Variants in FAT2 observed in about 807,000 individuals in gnomAD.
FAT2 encodes the protein FAT atypical cadherin 2.
FAT2 carries 150 observed loss-of-function variants against 295.3 expected under a neutral mutation model. That is an observed-to-expected ratio of 0.51 (90% CI 0.44 to 0.58). The LOEUF is 0.58. Ranked by LOEUF, FAT2 falls within the 20% of genes least tolerant of loss-of-function variation. FAT2 has a pLI of 0.00. For missense variants in FAT2, 4,868 were observed against 5,442.7 expected (o/e 0.89, Z 3.32); for synonymous variants, 2,026 against 2,150.3 (o/e 0.94, Z 1.60).
At chr5:151,589,891 T>G (rs575343032) in intron 1 of FAT2, among the ~76,000 whole-genome samples, 1 of 152,166 alleles carries the variant, frequency 6.6e-6, no homozygotes, top group South Asian at 2.1e-4. Flanking sequence ...AGACCCTGTC[T>G]CAAAATAAAT....
In FAT2 at chr5:151,543,323, A is replaced by G. The variant is rs1350775814; in HGVS notation, c.7804T>C (p.Ser2602Pro). 6.2e-7 allele frequency: 1 copy of G among 1,614,198 alleles called. No homozygotes were observed. Among genetic ancestry groups the G allele is most frequent in the Admixed American group, 1.7e-5 (1 of 60,032 alleles). Residue 2602 changes from serine (S) to proline (P), a missense_variant, in exon 10 of 24, where the codon TCT becomes CCT. Ser to Pro is a moderately conservative substitution (Grantham distance 74). Around this residue, in one of 5 missense-constraint regions of FAT2, gnomAD observed 3,297 missense variants for 3,669.4 expected, o/e 0.90. Transcript: ENST00000261800. ...TAGGCCAACACCTGGATAACCGGAG[A>G]GTCTTTACTGACATTGGATTGAATG... The part of the protein sequence containing the change: ...VSIQSNVSKD[S>P]PVIQVLAYDA...
chr5:151,561,576 G>T (rs745794529), intron 3 of FAT2, among the ~76,000 whole-genome samples: 1 of 152,090 alleles, frequency 6.6e-6, no homozygotes, highest in Non-Finnish European at 1.5e-5. Flanking sequence ...TGTTTTGTAC[G>T]GATGGGATTT....
At chr5:151,554,012 C>T (rs1286659489) in intron 5 of FAT2, among the ~76,000 whole-genome samples, 1 of 152,212 alleles carries the variant, frequency 6.6e-6, no homozygotes, top group Non-Finnish European at 1.5e-5. Flanking sequence ...CTCCATTTTA[C>T]AAATGATAAA....
Position 151,531,940 on chromosome 5 carries a change from G to T in FAT2, c.9458C>A (p.Pro3153Gln), listed in dbSNP as rs1009301106. The T allele has an allele frequency of 3.7e-6, 6 of 1,614,184 alleles. No individual in the cohort carries two copies. Among genetic ancestry groups the T allele is most frequent in the Non-Finnish European group, 5.1e-6 (6 of 1,180,024 alleles). Residue 3153 changes from proline to glutamine, a missense_variant, in exon 14 of 24, where the codon CCG becomes CAG. Physicochemically the swap from Pro to Gln is moderately conservative, Grantham distance 76 (BLOSUM62 -1). Coordinates refer to ENST00000261800, the MANE Select transcript of FAT2 (RefSeq NM_001447.3). This position sits in a 1 kb window ranked among gnomAD's most constrained non-coding sequence, Gnocchi z 5.7. Reference sequence around the variant, plus strand: ...GGAAAAGTGGCCTTCGGCTGAATCCGGCAGAGAGTAAACCACCTGGGCATT... The same window carrying T: ...GGAAAAGTGGCCTTCGGCTGAATCCTGCAGAGAGTAAACCACCTGGGCATT... The part of the protein sequence containing the change: ...GANAQVVYSL[P>Q]DSAEGHFSID...
rs1756383136 is a variant in FAT2, at chr5:151,543,814, A to G, written c.7313T>C (p.Met2438Thr). 2 of 1,614,138 alleles carry G rather than the reference A, an allele frequency of 1.2e-6. No homozygotes were observed. Among genetic ancestry groups the G allele is most frequent in the African/African-American group, 2.7e-5 (2 of 75,048 alleles). Residue 2438 changes from methionine to threonine, a missense_variant, in exon 10 of 24, where the codon ATG (methionine) becomes ACG (threonine). Around this residue, in one of 5 missense-constraint regions of FAT2, gnomAD observed 3,297 missense variants for 3,669.4 expected, o/e 0.90. Transcript: ENST00000261800. ...FINSSSGIIS[M>T]FNLCKKHLDS... ...CAGGTGCTTTTTGCAAAGGTTGAAC[A>G]TAGAAATTATTCCCGATGAGCTGTT...
chr5:151,548,100 C>T (rs1475323300), intron 9 of FAT2, among the ~76,000 whole-genome samples: 1 of 152,024 alleles, frequency 6.6e-6, no homozygotes, highest in African/African-American at 2.4e-5. Flanking sequence ...TCTTCTTCAG[C>T]GGTGAATAGA....
chr5:151,577,184 G>A (rs1758780079), intron 1 of FAT2, among the ~76,000 whole-genome samples: 2 of 152,122 alleles, frequency 1.3e-5, no homozygotes, highest in Non-Finnish European at 1.5e-5. Flanking sequence ...ATGGAAGAAG[G>A]GGCCCACAAA....
chr5:151,588,281 T>C (rs1427943451), intron 1 of FAT2, among the ~76,000 whole-genome samples: 2 of 152,202 alleles, frequency 1.3e-5, no homozygotes, highest in Non-Finnish European at 2.9e-5. Context: ...CCAACTGGCC[T>C]TCAAGACTGA....
intron 17 of FAT2, among the ~76,000 whole-genome samples, 191 bp downstream of exon 17, chr5:151,527,043 A>G (rs991010094): frequency 5.9e-5 from 9 of 152,356 alleles, no homozygotes; most frequent in South Asian, 2.1e-4. Flanking sequence ...AATGGATATG[A>G]AAGTGCCTAA....
At chr5:151,572,622 A>T (rs995486451) in intron 1 of FAT2, among the ~76,000 whole-genome samples, 1 of 152,188 alleles carries the variant, frequency 6.6e-6, no homozygotes, top group Non-Finnish European at 1.5e-5. Flanking sequence ...ATTCATATTC[A>T]TAGGGTTTTA....
At chr5:151,540,888 A>G (rs528659885) in intron 10 of FAT2, 125 bp from the exon 11 acceptor site, 3 of 793,832 alleles carry the variant, frequency 3.8e-6, no homozygotes, top group Admixed American at 6.2e-5. Context: ...TTCCTTCCTT[A>G]ACTAGGAACC....
intron 19 of FAT2, among the ~76,000 whole-genome samples, chr5:151,519,698 G>C (rs979076256): frequency 5.9e-5 from 9 of 151,966 alleles, no homozygotes; most frequent in Non-Finnish European, 1.0e-4. Flanking sequence ...AATTATTTGA[G>C]GTGTGTACTT....
upstream of FAT2, among the ~76,000 whole-genome samples, chr5:151,594,616 T>C (rs1173224533): frequency 6.6e-6 from 1 of 152,186 alleles, no homozygotes; most frequent in Non-Finnish European, 1.5e-5. Flanking sequence ...AAGAAAGAAC[T>C]AGAAGAGTCA....
chr5:151,505,914 T>C lies in FAT2; in HGVS notation c.12701A>G (p.Asn4234Ser). 6.3e-7 allele frequency: 1 copy of C among 1,589,496 alleles called. No individual in the cohort carries two copies. The highest frequency in any genetic ancestry group is 8.5e-7 in the Non-Finnish European group (1 of 1,169,804). Residue 4234 changes from asparagine (N) to serine (S), a missense_variant, in exon 24 of 24, where the codon AAC becomes AGC. Physicochemically the swap from Asn to Ser is conservative, Grantham distance 46. Around this residue, in one of 5 missense-constraint regions of FAT2, gnomAD observed 492 missense variants for 482.6 expected, o/e 1.02. Coordinates refer to ENST00000261800, the MANE Select transcript of FAT2 (RefSeq NM_001447.3). Reference sequence around the variant, plus strand: ...ACGGGGTGGGAGAGGTGCCCGCTTGTTTTCCATCTCCAGGGGGAAGGGGAA... The same window carrying C: ...ACGGGGTGGGAGAGGTGCCCGCTTGCTTTCCATCTCCAGGGGGAAGGGGAA... The part of the protein sequence containing the change: ...GGFPFPLEME[N>S]KRAPLPPRYS...
In FAT2 at chr5:151,542,414, G is replaced by A. The variant is rs1159174210; in HGVS notation, c.8713C>T (p.Arg2905Ter). Residue 2905 changes from arginine (R) to a stop codon, truncating the protein, a stop_gained, in exon 10 of 24, where the codon CGA (arginine) becomes TGA (stop). Coordinates refer to ENST00000261800, the MANE Select transcript of FAT2 (RefSeq NM_001447.3). LOFTEE classifies it high-confidence loss of function. ...CCTCTGTACTCTTCAGAAGCAAATC[G>A]GGGAGCATTGTCATTCTCATCTGTA... Reference protein sequence around the residue: ...SITDENDNAPRFASEEYRGSV... With the variant: ...SITDENDNAP 12 of 1,614,024 alleles carry A rather than the reference G, an allele frequency of 7.4e-6. No homozygotes were observed. Among genetic ancestry groups the A allele is most frequent in the African/African-American group, 1.3e-5 (1 of 74,896 alleles).
In FAT2 at chr5:151,507,207, G is replaced by C. The variant is rs145466001; in HGVS notation, c.12464C>G (p.Ser4155Cys). 744 of 1,611,424 alleles carry C rather than the reference G, an allele frequency of 4.6e-4. 3 individuals are homozygous for C. The highest frequency in any genetic ancestry group is 3.8e-3 in the Middle Eastern group (23 of 6,052). Residue 4155 changes from serine (S) to cysteine (C), a missense_variant, in exon 23 of 24, where the codon TCC becomes TGC. Physicochemically the swap from Ser to Cys is moderately radical, Grantham distance 112 (BLOSUM62 -1). Around this residue, in one of 5 missense-constraint regions of FAT2, gnomAD observed 492 missense variants for 482.6 expected, o/e 1.02. Coordinates refer to ENST00000261800, the MANE Select transcript of FAT2 (RefSeq NM_001447.3). ...PPRLPPAAVPSHSDNEPVIKR... is the reference protein window; with the variant it reads ...PPRLPPAAVPCHSDNEPVIKR... Reference sequence around the variant, plus strand: ...AATGACAGGCTCATTGTCAGAGTGGGAAGGGACCGCAGCTGGCGGGAGTCT... The same window carrying C: ...AATGACAGGCTCATTGTCAGAGTGGCAAGGGACCGCAGCTGGCGGGAGTCT...
Position 151,550,822 on chromosome 5 carries a change from A to G in FAT2, c.4346T>C (p.Leu1449Pro), listed in dbSNP as rs1264308232. ...AACTCTGACTTCATAACGAGTTTCC[A>G]GAAACTGGGGCCGATGGTGGTTAAT... ...ANINHHRPQF[L>P]ETRYEVRVPQ... is the part of the protein sequence containing the mutation. Residue 1449 changes from leucine (L) to proline (P), a missense_variant, in exon 8 of 24, where the codon CTG becomes CCG. Physicochemically the swap from Leu to Pro is moderately conservative, Grantham distance 98. Coordinates refer to ENST00000261800, the MANE Select transcript of FAT2 (RefSeq NM_001447.3). The G allele has an allele frequency of 6.2e-7, 1 of 1,613,850 alleles. No homozygotes were observed. The highest frequency in any genetic ancestry group is 1.1e-5 in the South Asian group (1 of 91,058).
chr5:151,507,681 C>A (rs761188214), intron 22 of FAT2, 70 bp from the exon 23 acceptor site: 16 of 1,391,244 alleles, frequency 1.2e-5, no homozygotes, highest in Non-Finnish European at 1.5e-5. Context: ...TTACAGAGAT[C>A]TATGGGATAG....
chr5:151,544,410 A>G lies in FAT2; in HGVS notation c.6717T>C (p.His2239=). The change falls in exon 10 of 24, where the codon CAT becomes CAC. Residue 2239 remains histidine, a synonymous_variant. Coordinates refer to ENST00000261800, the MANE Select transcript of FAT2 (RefSeq NM_001447.3). The part of the protein sequence containing the change: ...GPLDYESKTK[H]VFTVRATDTA... ...TATCCGTGGCTCTGACTGTGAACACATGTTTGGTCTTGGACTCATAGTCCA... is the reference window on the plus strand; with the variant it reads ...TATCCGTGGCTCTGACTGTGAACACGTGTTTGGTCTTGGACTCATAGTCCA... 3 of 1,614,132 alleles carry G rather than the reference A, an allele frequency of 1.9e-6. No individual in the cohort carries two copies. The highest frequency in any genetic ancestry group is 2.5e-6 in the Non-Finnish European group (3 of 1,180,010).
Sources: allele counts gnomAD v4.1 joint callset (sites outside exome capture counted in the v4.1 genomes callset), GRCh38; gene constraint gnomAD v4.1.1; regional missense constraint gnomAD v4.1.1; non-coding constraint Gnocchi (gnomAD v3.1); transcripts MANE v1.5; gene names NCBI Gene and HGNC (gene_info 2026-07-23, HGNC 2026-07-21).